Variants in HADH observed in about 807,000 individuals in gnomAD.
The protein encoded by HADH is hydroxyacyl-coenzyme A dehydrogenase, mitochondrial.
In HADH, 24 loss-of-function variants were observed where a neutral mutation model predicts 32.2. The observed-to-expected ratio is 0.75, with a 90% CI of 0.54 to 1.05. HADH has a LOEUF of 1.05. Ranked by LOEUF, HADH falls within the 50% of genes least tolerant of loss-of-function variation. The probability of loss-of-function intolerance (pLI) is 0.00; values close to 1 mark genes in which losing one functional copy is unlikely to be tolerated. For synonymous variants in HADH, 139 were observed against 152.5 expected (o/e 0.91, Z 0.65); for missense variants, 350 against 397.1 (o/e 0.88, Z 1.01).
At chr4:108,004,679 C>A (rs1034716264) in intron 1 of HADH, 1 of 1,523,418 alleles carries the variant, frequency 6.6e-7, no homozygotes, top group Non-Finnish European at 8.8e-7. Context: ...AGGTTGGCCT[C>A]AGCAGCAATG....
rs1174805781 is a variant in HADH, at chr4:108,027,928, T to C, written c.709+168T>C. The C allele has an allele frequency of 6.1e-6, 4 of 657,544 alleles. No individual in the cohort carries two copies. In the East Asian group the frequency reaches 8.2e-5, roughly 13 times the overall value. The allele number at this position is 657,544 out of a possible 1,614,324, so 40.7% of individuals were successfully genotyped here. ...CCCTGAGCCCTGGTACCTTTTTCAC[T>C]GTTTTCCCAGGGCCTCCTGGCTTCC... On this transcript the variant is annotated intron_variant, in intron 6 of 7. Transcript: ENST00000309522.
intron 3 of HADH, among the ~76,000 whole-genome samples, chr4:108,016,692 A>G (rs766515304): frequency 1.3e-5 from 2 of 152,250 alleles, no homozygotes; most frequent in African/African-American, 2.4e-5. Context: ...GAAAGTCAGG[A>G]GGCCTGGGCC....
chr4:107,993,243 G>A (rs879302548), intron 1 of HADH, among the ~76,000 whole-genome samples: 1 of 152,210 alleles, frequency 6.6e-6, no homozygotes, highest in Admixed American at 6.5e-5. Flanking sequence ...TTTAGATGGA[G>A]AATATTGGTC....
intron 2 of HADH, among the ~76,000 whole-genome samples, chr4:108,013,319 TG>T (rs1369985677): frequency 6.6e-6 from 1 of 152,178 alleles, no homozygotes; most frequent in Non-Finnish European, 1.5e-5. Flanking sequence ...ATAAGAGCCC[TG>T]GGCTGAGGGT....
In HADH at chr4:107,996,825, C is replaced by T. The variant is rs140312026; in HGVS notation, c.132+6761C>T. On this transcript the variant is annotated intron_variant, in intron 1 of 7. Coordinates refer to ENST00000309522, the MANE Select transcript of HADH (RefSeq NM_005327.7). ...GGAAGAATTGCTTGAACCCAGGAGG[C>T]GGAGGATGCAGTGAGCCAAGATCAC... Among the ~76,000 whole-genome samples, 387 of 150,414 alleles carry T rather than the reference C, an allele frequency of 2.6e-3. 2 individuals carry two copies. The highest frequency in any genetic ancestry group is 4.3e-3 in the Non-Finnish European group (293 of 67,834).
Position 108,014,576 on chromosome 4 carries a change from A to G in HADH, c.407A>G (p.Lys136Arg), listed in dbSNP as rs750964453. 1.9e-6 allele frequency: 3 copies of G among 1,613,022 alleles called. No individual in the cohort carries two copies. Among genetic ancestry groups the G allele is most frequent in the Non-Finnish European group, 2.5e-6 (3 of 1,179,544 alleles). Residue 136 changes from lysine to arginine, a missense_variant, in exon 3 of 8, where the codon AAG (lysine) becomes AGG (arginine). Coordinates refer to ENST00000309522, the MANE Select transcript of HADH (RefSeq NM_005327.7). ...AACGAGCTCTTCAAAAGGCTGGACA[A>G]GTTTGCTGCTGAGTATGTAACCTCT... ...VKNELFKRLD[K>R]FAAEHTIFAS...
At position 108,032,350 on chromosome 4, in the gene HADH, A is replaced by C. The variant is rs763220547; in HGVS notation, c.710-826A>C. On this transcript the variant is annotated intron_variant, in intron 6 of 7. Transcript: ENST00000309522. ...AGACTTCCAAACGTGTGGTGATTCT[A>C]ACTCGGGTTTGGGCTTTTCTTTAAA... The C allele has an allele frequency of 2.5e-6, 4 of 1,602,166 alleles. No individual in the cohort carries two copies. In the African/African-American group the frequency reaches 5.3e-5, roughly 21 times the overall value.
intron 1 of HADH, chr4:108,004,900 G>C (rs946963293): frequency 2.0e-6 from 3 of 1,535,590 alleles, no homozygotes; most frequent in Admixed American, 3.9e-5. Flanking sequence ...GCCCAGCTGG[G>C]AGGCTATTGT....
At chr4:107,996,943 G>A (rs970458504) in intron 1 of HADH, among the ~76,000 whole-genome samples, 13 of 151,092 alleles carry the variant, frequency 8.6e-5, no homozygotes, top group Admixed American at 2.6e-4. Context: ...GGTGGTGGTT[G>A]ACATCCTCAA....
chr4:107,997,714 T>C (rs934989059), intron 1 of HADH, among the ~76,000 whole-genome samples: 4 of 152,178 alleles, frequency 2.6e-5, no homozygotes, highest in Admixed American at 6.5e-5. Flanking sequence ...TGTAGGTCAC[T>C]GTAATATAAA....
At chr4:108,023,216 T>A (rs912914785) in intron 4 of HADH, among the ~76,000 whole-genome samples, 1 of 152,144 alleles carries the variant, frequency 6.6e-6, no homozygotes, top group Non-Finnish European at 1.5e-5. Context: ...ATGGTCTCGA[T>A]CTCTTGACTT....
chr4:107,996,612 G>T (rs1402971165), intron 1 of HADH, among the ~76,000 whole-genome samples: 1 of 152,170 alleles, frequency 6.6e-6, no homozygotes, highest in Non-Finnish European at 1.5e-5. Context: ...AAAAAAACCA[G>T]TCCAGGCATG....
chr4:108,003,827 C>A (rs200962170), intron 1 of HADH, among the ~76,000 whole-genome samples: 37 of 133,868 alleles, frequency 2.8e-4, no homozygotes, highest in Admixed American at 8.1e-4. Context: ...AAAAAAAAAA[C>A]AAAAAAAAAA....
intron 1 of HADH, among the ~76,000 whole-genome samples, chr4:107,990,280 T>C (rs776725633): frequency 1.7e-4 from 26 of 152,212 alleles, no homozygotes; most frequent in Non-Finnish European, 3.4e-4. Flanking sequence ...GATCCTCAGC[T>C]TCCTCGTTTG....
intron 2 of HADH, among the ~76,000 whole-genome samples, chr4:108,013,001 C>A (rs979148878): frequency 6.6e-6 from 1 of 152,180 alleles, no homozygotes; most frequent in Admixed American, 6.5e-5. Context: ...TGCGCGATGT[C>A]GGCTCACTGC....
chr4:108,020,136 A>G (rs1343775211), intron 4 of HADH, among the ~76,000 whole-genome samples: 1 of 152,190 alleles, frequency 6.6e-6, no homozygotes, highest in Non-Finnish European at 1.5e-5. Flanking sequence ...CGTTGTCCCC[A>G]GATGAGGTAC....
At chr4:108,023,624 C>T in intron 5 of HADH, 61 bp downstream of exon 5, 2 of 937,718 alleles carry the variant, frequency 2.1e-6, no homozygotes, top group East Asian at 2.4e-5. Flanking sequence ...CTGACTTGTT[C>T]CTGGTAGAAT....
chr4:108,013,494 A>G (rs550881995), intron 2 of HADH, among the ~76,000 whole-genome samples: 2 of 152,274 alleles, frequency 1.3e-5, no homozygotes, highest in Admixed American at 1.3e-4. Flanking sequence ...GCTACTCCTC[A>G]GAAGTCTATA....
chr4:108,017,603 G>A (rs1016552187), intron 3 of HADH, among the ~76,000 whole-genome samples: 71 of 151,620 alleles, frequency 4.7e-4, no homozygotes, highest in African/African-American at 1.7e-3. Flanking sequence ...GCCCAGGCTG[G>A]AGTGCAGTGG....
Sources: gnomAD v4.1 joint callset for allele counts (sites outside exome capture counted in the v4.1 genomes callset) on GRCh38, gnomAD v4.1.1 for gene constraint, MANE v1.5 for transcripts, NCBI Gene and HGNC (gene_info 2026-07-23, HGNC 2026-07-21) for gene names.